ITGB1BP1: variants seen among roughly 807,000 people sequenced by gnomAD.
ITGB1BP1 encodes integrin beta-1-binding protein 1.
ITGB1BP1 carries 20 observed loss-of-function variants against 28.0 expected under a neutral mutation model. The observed-to-expected ratio is 0.71, with a 90% CI of 0.50 to 1.04. ITGB1BP1 has a LOEUF of 1.04. Among genes scored for constraint, ITGB1BP1 ranks in the 50% least tolerant of loss-of-function variants. The pLI is 0.00. For missense variants in ITGB1BP1, 228 were observed against 242.5 expected (o/e 0.94, Z 0.40); for synonymous variants, 103 against 89.5 (o/e 1.15, Z -0.85).
At chr2:9,419,718 A>T (rs1679562041) in intron 1 of ITGB1BP1, among the ~76,000 whole-genome samples, 1 of 152,102 alleles carries the variant, frequency 6.6e-6, no homozygotes, top group Non-Finnish European at 1.5e-5. Context: ...AGCTCACAGA[A>T]CTCCCGGGAC....
At chr2:9,411,722 C>CAA (rs532975208) in intron 4 of ITGB1BP1, among the ~76,000 whole-genome samples, 208 of 131,926 alleles carry the variant, frequency 1.6e-3, no homozygotes, top group African/African-American at 5.4e-3. Flanking sequence ...GACTCCATCT[C>CAA]AAAAAAAAAA....
chr2:9,408,333 C>T, intron 4 of ITGB1BP1, 128 bp from the exon 5 acceptor site: 1 of 629,398 alleles, frequency 1.6e-6, no homozygotes, highest in South Asian at 1.9e-5. Flanking sequence ...TACACATTAG[C>T]CAGGCAAGAG....
rs912270006 is a variant in ITGB1BP1 at position 9,415,396 on chromosome 2, AAC to A, written c.73-1142_73-1141del. On this transcript the variant is annotated intron_variant, in intron 2 of 6. Transcript: ENST00000355346. This position sits in a 1 kb window ranked among gnomAD's most constrained non-coding sequence, Gnocchi z 4.1. ...CTCCATCTCAAAACAAACAAACAAAAACACACACACAAAAAAAAACACAACAA... is the reference window on the plus strand; with the variant it reads ...CTCCATCTCAAAACAAACAAACAAAAACACACACAAAAAAAAACACAACAA... 4.0e-5 allele frequency among the ~76,000 whole-genome samples: 6 copies of A among 150,362 alleles called. No homozygotes were observed. The highest frequency in any genetic ancestry group is 4.0e-4 in the Admixed American group (6 of 15,084).
At chr2:9,407,286 C>T in intron 6 of ITGB1BP1, 163 bp downstream of exon 6, 2 of 743,540 alleles carry the variant, frequency 2.7e-6, no homozygotes, top group Admixed American at 2.7e-5. Context: ...CAAACCTGCA[C>T]TGTCTTGCCA....
chr2:9,411,711 A>C (rs1319210637), intron 4 of ITGB1BP1, among the ~76,000 whole-genome samples: 1 of 140,448 alleles, frequency 7.1e-6, no homozygotes, highest in Non-Finnish European at 1.5e-5. Context: ...CGACAGACCG[A>C]GACTCCATCT....
chr2:9,422,467 G>C, intron 1 of ITGB1BP1: 1 of 985,612 alleles, frequency 1.0e-6, no homozygotes, highest in Non-Finnish European at 1.2e-6. Context: ...CAGGCACTTG[G>C]CTACTTCTTA....
At chr2:9,421,861 T>G (rs55643539) in intron 1 of ITGB1BP1, among the ~76,000 whole-genome samples, 28,361 of 151,844 alleles carry the variant, frequency 0.19, 2,846 homozygotes, top group Middle Eastern at 0.3. Flanking sequence ...CTATTATTGC[T>G]GGAGGAAGCC....
chr2:9,414,661 G>A (rs186402591), intron 2 of ITGB1BP1, among the ~76,000 whole-genome samples: 87 of 152,268 alleles, frequency 5.7e-4, no homozygotes, highest in African/African-American at 2.0e-3. Flanking sequence ...CATGATCCCC[G>A]CTTACTAAAT....
In ITGB1BP1 at chr2:9,404,746, T is replaced by C. The variant is rs1187744590; in HGVS notation, c.*2088A>G. ...TGCAAGACTGTGTAGAGTTTTTTTT[T>C]TTTTTGGCATTGTACTTTTTGTTTT... On this transcript the variant is annotated 3_prime_UTR_variant, in exon 7 of 7. Coordinates refer to ENST00000355346, the MANE Select transcript of ITGB1BP1 (RefSeq NM_004763.5). 6.6e-6 allele frequency: 1 copy of C among 152,606 alleles called. No individual in the cohort carries two copies. Among genetic ancestry groups the C allele is most frequent in the Admixed American group, 6.5e-5 (1 of 15,280 alleles). 9.5% of individuals were successfully genotyped at this position (152,606 alleles called of 1,614,324 possible).
At chr2:9,423,096 G>C in intron 1 of ITGB1BP1, 10 of 1,012,668 alleles carry the variant, frequency 9.9e-6, no homozygotes, top group Non-Finnish European at 1.2e-5. Context: ...GCAAGGAAAC[G>C]GCCCGCGGCC....
In ITGB1BP1 at chr2:9,420,671, G is replaced by A. The variant is rs551745139; in HGVS notation, c.-35-1939C>T. On this transcript the variant is annotated intron_variant, in intron 1 of 6. Transcript: ENST00000355346. ...AACAGTCAAGGCTGTCCGGGAGCAG[G>A]AGGACAGCAATGGGCCCAAAGTGCC... 1.1e-4 allele frequency among the ~76,000 whole-genome samples: 17 copies of A among 150,744 alleles called. No individual in the cohort carries two copies. The East Asian group carries it at 3.3e-3, about 29-fold the overall frequency.
chr2:9,413,536 G>A (rs1165017060), intron 3 of ITGB1BP1, among the ~76,000 whole-genome samples: 1 of 152,050 alleles, frequency 6.6e-6, no homozygotes, highest in African/African-American at 2.4e-5. Flanking sequence ...CACCATGTTG[G>A]CCAGGCTAGT....
At chr2:9,410,108 G>C (rs1678155173) in intron 4 of ITGB1BP1, among the ~76,000 whole-genome samples, 1 of 152,154 alleles carries the variant, frequency 6.6e-6, no homozygotes, top group South Asian at 2.1e-4. Flanking sequence ...GCCTCCCAAA[G>C]TGCTGGAATT....
Position 9,408,125 on chromosome 2 carries a change from T to C in ITGB1BP1, c.369A>G (p.Thr123=). The change falls in exon 5 of 7, where the codon ACA becomes ACG. Residue 123 remains threonine (T), a synonymous_variant. Transcript: ENST00000355346. ...GVSKYGIKVS[T]SDQYDVLHRH... The stretch of plus-strand genomic sequence containing the variant: ...TTATATTACTTACATATTGATCTGA[T>C]GTTGATACTTTTATGCCATACTTGG... The C allele has an allele frequency of 6.6e-7, 1 of 1,526,074 alleles. No individual in the cohort carries two copies. 94.5% of individuals were successfully genotyped at this position (1,526,074 alleles called of 1,614,324 possible). A position where few individuals can be genotyped will look rare whatever the true frequency, so the allele number is the denominator to read the frequency against.
chr2:9,414,054 T>C, intron 3 of ITGB1BP1, 124 bp downstream of exon 3: 1 of 819,922 alleles, frequency 1.2e-6, no homozygotes, highest in South Asian at 1.6e-5. Context: ...TAAACTCTTG[T>C]CAAAAGTGGC....
In ITGB1BP1 at chr2:9,418,603, T is replaced by C. The variant is rs777569864; in HGVS notation, c.72+23A>G. ...CAAAACTCTCCCTGCTTTATGATTC[T>C]GTTCCAAATTCCATTTCCCTACCTT... On this transcript the variant is annotated intron_variant, in intron 2 of 6. Transcript: ENST00000355346. 15 of 1,478,960 alleles carry C rather than the reference T, an allele frequency of 1.0e-5. No homozygotes were observed. In the African/African-American group the frequency reaches 2.1e-4, roughly 20 times the overall value. 91.6% of individuals were successfully genotyped at this position (1,478,960 alleles called of 1,614,324 possible). A position where few individuals can be genotyped will look rare whatever the true frequency, so the allele number is the denominator to read the frequency against.
At position 9,406,869 on chromosome 2, in the gene ITGB1BP1, C is replaced by A. The variant is rs771640299; in HGVS notation, c.568G>T (p.Ala190Ser). The A allele has an allele frequency of 1.9e-6, 3 of 1,613,334 alleles. No homozygotes were observed. The highest frequency in any genetic ancestry group is 2.5e-6 in the Non-Finnish European group (3 of 1,179,296). The change falls in exon 7 of 7, where the codon GCT becomes TCT. Residue 190 changes from alanine to serine, a missense_variant. Physicochemically the swap from Ala to Ser is moderately conservative, Grantham distance 99. Around this residue, in one of 2 missense-constraint regions of ITGB1BP1, gnomAD observed 192 missense variants for 181.6 expected, o/e 1.06. Transcript: ENST00000355346. ...AQAICKVLST[A>S]FDSVLTSEKP is the part of the protein sequence containing the mutation. ...TCAGATGTTAATACAGAGTCAAAAG[C>A]GGTGGATAAAACCTTGCAAATGGCT...
At chr2:9,411,708 C>T (rs555677044) in intron 4 of ITGB1BP1, among the ~76,000 whole-genome samples, 2 of 133,862 alleles carry the variant, frequency 1.5e-5, no homozygotes, top group Non-Finnish European at 3.2e-5. Flanking sequence ...GGGCGACAGA[C>T]CGAGACTCCA....
chr2:9,406,097 G>C lies in ITGB1BP1; in HGVS notation c.*737C>G, dbSNP rs1202044286. The C allele has an allele frequency of 1.0e-5, 1 of 99,500 alleles. No individual in the cohort carries two copies. Among genetic ancestry groups the C allele is most frequent in the Non-Finnish European group, 2.1e-5 (1 of 47,538 alleles). The allele number at this position is 99,500 out of a possible 1,614,324, so 6.2% of individuals were successfully genotyped here. On this transcript the variant is annotated 3_prime_UTR_variant, in exon 7 of 7. Transcript: ENST00000355346. The stretch of plus-strand genomic sequence containing the variant: ...GCCTTCAGTGTGTGTTTGTCACTGA[G>C]TGGACCTCTGTGACATCTCGTCTTC...
Sources: gnomAD v4.1 joint callset for allele counts (sites outside exome capture counted in the v4.1 genomes callset) on GRCh38, gnomAD v4.1.1 for gene constraint, gnomAD v4.1.1 regional missense constraint, Gnocchi (gnomAD v3.1) non-coding constraint, MANE v1.5 for transcripts, NCBI Gene and HGNC (gene_info 2026-07-23, HGNC 2026-07-21) for gene names.